The following LDB2 variants were observed in gnomAD, a reference collection of about 807,000 sequenced individuals.
LDB2 encodes LIM domain-binding protein 2.
In LDB2, 12 loss-of-function variants were observed where a neutral mutation model predicts 44.3. The observed-to-expected ratio is 0.27, with a 90% CI of 0.17 to 0.44. LDB2 has a LOEUF of 0.44. Ranked by LOEUF, LDB2 falls within the 20% of genes least tolerant of loss-of-function variation. The probability of loss-of-function intolerance (pLI) is 1.00; values close to 1 mark genes in which losing one functional copy is unlikely to be tolerated. For synonymous variants in LDB2, 164 were observed against 174.8 expected, an observed-to-expected ratio of 0.94 and a Z score of 0.49; for missense variants, 344 against 473.5, an observed-to-expected ratio of 0.73 and a Z score of 2.54.
chr4:16,545,141 CCTCT>C (rs1300924462), intron 5 of LDB2, among the ~76,000 whole-genome samples: 1 of 151,146 alleles, frequency 6.6e-6, no homozygotes, highest in Non-Finnish European at 1.5e-5. Context: ...TCCTTTTCTC[CCTCT>C]CTCCCTCCCT....
chr4:16,535,292 C>G (rs1277588607), intron 5 of LDB2, among the ~76,000 whole-genome samples: 1 of 152,172 alleles, frequency 6.6e-6, no homozygotes, highest in Non-Finnish European at 1.5e-5. Context: ...GCGTAATGGT[C>G]CTGCCACCCC....
At chr4:16,656,835 C>G (rs946513737) in intron 2 of LDB2, among the ~76,000 whole-genome samples, 2 of 151,916 alleles carry the variant, frequency 1.3e-5, no homozygotes, top group Non-Finnish European at 2.9e-5. Flanking sequence ...TATGAGGATA[C>G]CTATGTAAAT....
At chr4:16,720,188 T>C (rs560745215) in intron 2 of LDB2, among the ~76,000 whole-genome samples, 2 of 151,858 alleles carry the variant, frequency 1.3e-5, no homozygotes, top group Non-Finnish European at 2.9e-5. Flanking sequence ...TGTTCAAAAG[T>C]ATTTTGTAGA....
intron 1 of LDB2, among the ~76,000 whole-genome samples, chr4:16,771,157 A>G (rs1770572729): frequency 6.6e-6 from 1 of 152,186 alleles, no homozygotes; most frequent in Non-Finnish European, 1.5e-5. Context: ...AGTCACCACT[A>G]AACATTGGAG....
intron 3 of LDB2, among the ~76,000 whole-genome samples, chr4:16,592,501 T>TACACAC (rs1331692476): frequency 7.5e-6 from 1 of 133,378 alleles, no homozygotes; most frequent in East Asian, 2.1e-4. Flanking sequence ...TATATATATA[T>TACACAC]ATATACACAC....
At chr4:16,737,237 A>G (rs1762078763) in intron 2 of LDB2, among the ~76,000 whole-genome samples, 1 of 151,944 alleles carries the variant, frequency 6.6e-6, no homozygotes, top group South Asian at 2.1e-4. Flanking sequence ...AATTTTATTT[A>G]TTTATTTTTG....
At chr4:16,765,742 A>G (rs1026752451) in intron 1 of LDB2, among the ~76,000 whole-genome samples, 1 of 152,244 alleles carries the variant, frequency 6.6e-6, no homozygotes, top group East Asian at 1.9e-4. Context: ...GGGCCAAGAC[A>G]GTGTTCGAGA....
chr4:16,718,181 A>G (rs1757487484), intron 2 of LDB2, among the ~76,000 whole-genome samples: 1 of 152,058 alleles, frequency 6.6e-6, no homozygotes, highest in Non-Finnish European at 1.5e-5. Context: ...TTCAGCTTCT[A>G]ATGGGTGCTG....
At chr4:16,520,027 G>A (rs1725388595) in intron 5 of LDB2, among the ~76,000 whole-genome samples, 1 of 151,932 alleles carries the variant, frequency 6.6e-6, no homozygotes, top group Non-Finnish European at 1.5e-5. Context: ...CAGGCCAATG[G>A]CACATGGCAT....
Position 16,898,338 on chromosome 4 carries a change from AG to A in LDB2, c.132+15del, listed in dbSNP as rs1218401678. 1 of 1,608,660 alleles carries A rather than the reference AG, an allele frequency of 6.2e-7. No individual in the cohort carries two copies. The highest frequency in any genetic ancestry group is 8.5e-7 in the Non-Finnish European group (1 of 1,176,360). On this transcript the variant is annotated intron_variant, in intron 1 of 7. Transcript: ENST00000304523. ...ACAAAAATACACAAACACATCCCCA[AG>A]GTTGAAGTACTTACCTCTGTGCGAG...
At chr4:16,802,577 A>G (rs1217351003) in intron 1 of LDB2, among the ~76,000 whole-genome samples, 2 of 152,190 alleles carry the variant, frequency 1.3e-5, no homozygotes, top group Non-Finnish European at 2.9e-5. Context: ...AAGAAACACT[A>G]GAAGAGAACC....
chr4:16,513,720 A>T (rs980202984), intron 5 of LDB2, among the ~76,000 whole-genome samples: 2 of 152,084 alleles, frequency 1.3e-5, no homozygotes, highest in African/African-American at 4.8e-5. Flanking sequence ...TCAGAAAATG[A>T]TACCCCCAAG....
intron 2 of LDB2, among the ~76,000 whole-genome samples, chr4:16,672,354 A>G (rs1744992578): frequency 6.6e-6 from 1 of 152,144 alleles, no homozygotes; most frequent in African/African-American, 2.4e-5. Flanking sequence ...TCTTATGCCT[A>G]GGTTGCAGGA....
intron 2 of LDB2, among the ~76,000 whole-genome samples, chr4:16,688,442 C>T (rs1208804822): frequency 6.6e-6 from 1 of 152,188 alleles, no homozygotes; most frequent in Non-Finnish European, 1.5e-5. Context: ...GGCCACTGTC[C>T]ATGCACTGGA....
intron 2 of LDB2, among the ~76,000 whole-genome samples, chr4:16,629,963 T>G (rs1242266966): frequency 6.6e-6 from 1 of 152,148 alleles, no homozygotes; most frequent in African/African-American, 2.4e-5. Context: ...TACATTTGAT[T>G]GGTGTACCTG....
At chr4:16,536,811 C>CAAGT (rs1465112629) in intron 5 of LDB2, among the ~76,000 whole-genome samples, 1 of 152,202 alleles carries the variant, frequency 6.6e-6, no homozygotes, top group African/African-American at 2.4e-5. Context: ...AGGAGTCAAA[C>CAAGT]AAGTGGGTGT....
chr4:16,717,271 G>A (rs1167784907), intron 2 of LDB2, among the ~76,000 whole-genome samples: 1 of 152,020 alleles, frequency 6.6e-6, no homozygotes, highest in Non-Finnish European at 1.5e-5. Flanking sequence ...AACAGAAGAT[G>A]ACTCCGCAGG....
intron 2 of LDB2, among the ~76,000 whole-genome samples, chr4:16,643,290 A>G (rs1735729585): frequency 6.6e-6 from 1 of 151,984 alleles, no homozygotes; most frequent in Non-Finnish European, 1.5e-5. Context: ...CTAATGCCAC[A>G]CTCCGTTACT....
At chr4:16,695,436 G>A (rs78801154) in intron 2 of LDB2, among the ~76,000 whole-genome samples, 3 of 150,984 alleles carry the variant, frequency 2.0e-5, no homozygotes, top group African/African-American at 7.3e-5. Flanking sequence ...CTCCAGCCTT[G>A]GCAAGACAGA....
Sources: gnomAD v4.1 joint callset for allele counts (sites outside exome capture counted in the v4.1 genomes callset) on GRCh38, gnomAD v4.1.1 for gene constraint, MANE v1.5 for transcripts, NCBI Gene and HGNC (gene_info 2026-07-23, HGNC 2026-07-21) for gene names.